PKNOX2: variants seen among roughly 807,000 people sequenced by gnomAD.
PKNOX2 encodes the protein PBX/knotted 1 homeobox 2, also known as homeobox protein PKNOX2.
Under a neutral mutation model 53.1 loss-of-function variants are expected in PKNOX2, and 14 were observed. The observed-to-expected ratio is 0.26, with a 90% CI of 0.17 to 0.41. PKNOX2 has a LOEUF of 0.41. PKNOX2 is among the 10% of genes least tolerant of loss of function. The probability of loss-of-function intolerance (pLI) is 1.00; values close to 1 mark genes in which losing one functional copy is unlikely to be tolerated. For missense variants in PKNOX2, 496 were observed against 602.8 expected (o/e 0.82, Z 1.85); for synonymous variants, 257 against 242.8 (o/e 1.06, Z -0.54).
intron 1 of PKNOX2, among the ~76,000 whole-genome samples, chr11:125,204,461 G>T (rs761208450): frequency 6.6e-5 from 10 of 152,174 alleles, no homozygotes; most frequent in Non-Finnish European, 1.3e-4. Flanking sequence ...GGATTTAGCA[G>T]TGCTGTGCTC....
chr11:125,255,608 A>G (rs1225036828), intron 2 of PKNOX2, among the ~76,000 whole-genome samples: 1 of 152,154 alleles, frequency 6.6e-6, no homozygotes, highest in Non-Finnish European at 1.5e-5. Flanking sequence ...GGATTGGACA[A>G]TCAACTATAA....
rs138265765 is a variant in PKNOX2 at position 125,262,903 on chromosome 11, C to T, written c.-130+27788C>T. Reference sequence around the variant, plus strand: ...TGTCCCTCTTTCTATTTCTATGATCCGTTTCCTAGTGCTCCTTTTGTTCAG... The same window carrying T: ...TGTCCCTCTTTCTATTTCTATGATCTGTTTCCTAGTGCTCCTTTTGTTCAG... On this transcript the variant is annotated intron_variant, in intron 2 of 12. Transcript: ENST00000298282. Among the ~76,000 whole-genome samples, 999 of 152,274 alleles carry T rather than the reference C, an allele frequency of 6.6e-3. 25 individuals carry two copies. Among genetic ancestry groups the T allele is most frequent in the African/African-American group, 0.023 (949 of 41,550 alleles).
chr11:125,391,061 T>A (rs1355342709), intron 6 of PKNOX2, among the ~76,000 whole-genome samples: 4 of 152,168 alleles, frequency 2.6e-5, no homozygotes, highest in Non-Finnish European at 5.9e-5. Flanking sequence ...AAGGAATGTG[T>A]GTTTATAAAT....
intron 2 of PKNOX2, among the ~76,000 whole-genome samples, chr11:125,295,396 T>C (rs1010732489): frequency 6.6e-6 from 1 of 152,178 alleles, no homozygotes; most frequent in African/African-American, 2.4e-5. Context: ...TTCATGTGGA[T>C]CAAATCCATG....
chr11:125,384,553 G>A (rs1468756117), intron 5 of PKNOX2, among the ~76,000 whole-genome samples: 4 of 152,126 alleles, frequency 2.6e-5, no homozygotes, highest in African/African-American at 7.2e-5. Flanking sequence ...GCGTGGTGGC[G>A]GAGGCCTGTA....
chr11:125,290,082 A>G (rs1225108744), intron 2 of PKNOX2, among the ~76,000 whole-genome samples: 4 of 152,224 alleles, frequency 2.6e-5, no homozygotes, highest in Non-Finnish European at 5.9e-5. Context: ...CTGATGAAAA[A>G]TTAACTAGCT....
chr11:125,368,094 C>T, intron 5 of PKNOX2, 109 bp downstream of exon 5: 1 of 1,350,314 alleles, frequency 7.4e-7, no homozygotes, highest in South Asian at 1.5e-5. Context: ...AGATGACGGC[C>T]AATAGCTATT....
chr11:125,202,682 G>A (rs969049637), intron 1 of PKNOX2, among the ~76,000 whole-genome samples: 18 of 151,790 alleles, frequency 1.2e-4, no homozygotes, highest in South Asian at 6.3e-4. Flanking sequence ...GGGAGGAGCC[G>A]TGGAATGTGC....
At chr11:125,428,925 G>A in intron 10 of PKNOX2, 87 bp from the exon 11 acceptor site, 2 of 1,417,582 alleles carry the variant, frequency 1.4e-6, no homozygotes, top group Non-Finnish European at 2.0e-6. Flanking sequence ...CCTGGCTCAG[G>A]ATAGTGCCCA....
chr11:125,252,858 AC>A (rs1313299351), intron 2 of PKNOX2, among the ~76,000 whole-genome samples: 1 of 152,162 alleles, frequency 6.6e-6, no homozygotes, highest in African/African-American at 2.4e-5. Flanking sequence ...GGGGTCATAG[AC>A]AGCTGCATCT....
chr11:125,252,996 G>A (rs1944122833), intron 2 of PKNOX2, among the ~76,000 whole-genome samples: 1 of 152,306 alleles, frequency 6.6e-6, no homozygotes, highest in South Asian at 2.1e-4. Flanking sequence ...GCAGCTCCCA[G>A]GGTCAAAGGC....
intron 2 of PKNOX2, among the ~76,000 whole-genome samples, chr11:125,282,810 T>C (rs1946651306): frequency 6.6e-6 from 1 of 152,218 alleles, no homozygotes; most frequent in South Asian, 2.1e-4. Flanking sequence ...ATGTAGCAAT[T>C]GAACACTTAA....
At chr11:125,299,638 G>T (rs187780600) in intron 2 of PKNOX2, among the ~76,000 whole-genome samples, 1 of 152,152 alleles carries the variant, frequency 6.6e-6, no homozygotes, top group East Asian at 1.9e-4. Context: ...CTGCCATGTT[G>T]GTCTCAAAGA....
At chr11:125,397,709 G>A (rs1296544294) in intron 6 of PKNOX2, among the ~76,000 whole-genome samples, 165 bp from the exon 7 acceptor site, 3 of 152,182 alleles carry the variant, frequency 2.0e-5, no homozygotes, top group Admixed American at 2.0e-4. Context: ...GGATGAGAAG[G>A]CACCGCCTAC....
chr11:125,219,435 T>C (rs1208051866), intron 1 of PKNOX2, among the ~76,000 whole-genome samples: 1 of 144,798 alleles, frequency 6.9e-6, no homozygotes, highest in African/African-American at 2.7e-5. Context: ...TGAAACTCTA[T>C]CTCAAAAAAA....
chr11:125,233,098 C>T (rs201733208), intron 1 of PKNOX2, among the ~76,000 whole-genome samples: 5 of 151,988 alleles, frequency 3.3e-5, no homozygotes, highest in South Asian at 4.1e-4. Flanking sequence ...TGTTATTGTG[C>T]AAGAAATAAA....
At chr11:125,272,167 T>C (rs1945839226) in intron 2 of PKNOX2, among the ~76,000 whole-genome samples, 1 of 152,206 alleles carries the variant, frequency 6.6e-6, no homozygotes, top group South Asian at 2.1e-4. Context: ...GAACTAGAGT[T>C]GGTGATGACA....
rs111643336 is a variant in PKNOX2 at position 125,334,975 on chromosome 11, C to G, written c.-23+3050C>G. Among the ~76,000 whole-genome samples the G allele has an allele frequency of 5.6e-3, 857 of 152,210 alleles. 11 individuals carry two copies. Among genetic ancestry groups the G allele is most frequent in the African/African-American group, 0.019 (800 of 41,506 alleles). On this transcript the variant is annotated intron_variant, in intron 3 of 12. Transcript: ENST00000298282. ...ATATTTACCTCATGGGGCTTCTGTG[C>G]AGATTAAATGAGAGAATGCACAAGA...
At chr11:125,289,324 A>G (rs905247057) in intron 2 of PKNOX2, among the ~76,000 whole-genome samples, 2 of 152,216 alleles carry the variant, frequency 1.3e-5, no homozygotes, top group African/African-American at 4.8e-5. Flanking sequence ...CACCTCCACC[A>G]GTGATCCAGG....
Sources: gnomAD v4.1 joint callset for allele counts (sites outside exome capture counted in the v4.1 genomes callset) on GRCh38, gnomAD v4.1.1 for gene constraint, MANE v1.5 for transcripts, NCBI Gene and HGNC (gene_info 2026-07-23, HGNC 2026-07-21) for gene names.